CCDC141: variants seen among roughly 807,000 people sequenced by gnomAD.
The protein encoded by CCDC141 is coiled-coil domain containing 141.
Under a neutral mutation model 181.0 loss-of-function variants are expected in CCDC141, and 168 were observed. The ratio of observed to expected loss-of-function variants is 0.93; its 90% CI spans 0.82 to 1.05. The LOEUF is 1.05. Among genes scored for constraint, CCDC141 ranks in the 50% least tolerant of loss-of-function variants. The pLI, the probability that CCDC141 is intolerant of heterozygous loss-of-function variation, is 0.00. For synonymous variants in CCDC141, 666 were observed against 642.3 expected, an observed-to-expected ratio of 1.04 and a Z score of -0.56; for missense variants, 1,902 against 1,788.5, an observed-to-expected ratio of 1.06 and a Z score of -1.14.
chr2:178,994,759 C>T (rs755027980), intron 2 of CCDC141, among the ~76,000 whole-genome samples: 25 of 152,186 alleles, frequency 1.6e-4, no homozygotes, highest in Non-Finnish European at 2.8e-4. Flanking sequence ...ACCCAGTCAC[C>T]TCTTGAATGC....
chr2:178,997,880 C>A (rs766662707), intron 2 of CCDC141, among the ~76,000 whole-genome samples: 1 of 152,140 alleles, frequency 6.6e-6, no homozygotes, highest in Non-Finnish European at 1.5e-5. Flanking sequence ...GCCTGGTGCT[C>A]CAGCCTTTAA....
At chr2:179,006,549 A>C (rs1313845693) in intron 2 of CCDC141, among the ~76,000 whole-genome samples, 2 of 152,334 alleles carry the variant, frequency 1.3e-5, no homozygotes, top group African/African-American at 4.8e-5. Context: ...TAATTTATGC[A>C]ACAGATAATG....
Position 178,853,612 on chromosome 2 carries a change from AC to A in CCDC141, c.3072del (p.Trp1024CysfsTer10), listed in dbSNP as rs1291747448. ...FQEVIEECHF[W>X]YEDASATVVR... ...ACAACTGTGGCACTTGCATCTTCGT[AC>A]CAAAAATGACACTAAATTTAAATGG... On this transcript the variant is annotated frameshift_variant, in exon 20 of 24. Coordinates refer to ENST00000443758, the MANE Select transcript of CCDC141 (RefSeq NM_173648.4). LOFTEE classifies it high-confidence loss of function. 2.5e-6 allele frequency: 4 copies of A among 1,611,606 alleles called. No homozygotes were observed. The East Asian group carries it at 8.9e-5, about 36-fold the overall frequency.
At chr2:178,946,995 A>T (rs949427043) in intron 5 of CCDC141, among the ~76,000 whole-genome samples, 6 of 152,226 alleles carry the variant, frequency 3.9e-5, no homozygotes, top group Non-Finnish European at 4.4e-5. Flanking sequence ...GTAGATCATC[A>T]GGAGGGTGTT....
intron 8 of CCDC141, among the ~76,000 whole-genome samples, chr2:178,892,343 G>C (rs1255006459): frequency 6.6e-6 from 1 of 152,056 alleles, no homozygotes; most frequent in Non-Finnish European, 1.5e-5. Flanking sequence ...CTTTTCTCGG[G>C]AAGAGAAGTT....
In CCDC141 at chr2:179,050,077, G is replaced by C; in HGVS notation, c.-136C>G. On this transcript the variant is annotated 5_prime_UTR_variant, in exon 1 of 24. Transcript: ENST00000443758. ...CTCACACTGATTACTCTGCCAAAAG[G>C]AAAGAACAGGAGGTTAAAAATAGAC... The C allele has an allele frequency of 2.2e-6, 3 of 1,352,244 alleles. No individual in the cohort carries two copies. Among genetic ancestry groups the C allele is most frequent in the Non-Finnish European group, 3.0e-6 (3 of 1,013,122 alleles). The allele number at this position is 1,352,244 out of a possible 1,614,324, so 83.8% of individuals were successfully genotyped here. A position where few individuals can be genotyped will look rare whatever the true frequency, so the allele number is the denominator to read the frequency against.
intron 4 of CCDC141, among the ~76,000 whole-genome samples, chr2:178,962,239 C>T (rs374470518): frequency 6.6e-6 from 1 of 152,130 alleles, no homozygotes; most frequent in East Asian, 1.9e-4. Flanking sequence ...TGAAGAACTA[C>T]CAAGGGAGAA....
chr2:178,918,653 A>C (rs1035526328), intron 7 of CCDC141, 60 bp downstream of exon 7: 1 of 1,377,386 alleles, frequency 7.3e-7, no homozygotes, highest in Non-Finnish European at 9.9e-7. Flanking sequence ...CAGTTGAAGT[A>C]ATGGGTCTTT....
intron 22 of CCDC141, among the ~76,000 whole-genome samples, chr2:178,838,435 C>T (rs1236913273): frequency 6.6e-6 from 1 of 152,196 alleles, no homozygotes; most frequent in Non-Finnish European, 1.5e-5. Flanking sequence ...CCTCTGGCAA[C>T]CACCATTCTA....
chr2:179,003,001 T>G (rs781385614), intron 2 of CCDC141, among the ~76,000 whole-genome samples: 1 of 152,180 alleles, frequency 6.6e-6, no homozygotes, highest in Non-Finnish European at 1.5e-5. Context: ...CAATTACTCA[T>G]TTAACTTGAT....
At chr2:179,025,558 T>A (rs1410800848) in intron 2 of CCDC141, among the ~76,000 whole-genome samples, 1 of 152,224 alleles carries the variant, frequency 6.6e-6, no homozygotes, top group Non-Finnish European at 1.5e-5. Context: ...TGTAAGTCCA[T>A]TAAGCCTCTC....
intron 2 of CCDC141, among the ~76,000 whole-genome samples, chr2:179,022,536 G>T: frequency 6.6e-6 from 1 of 152,096 alleles, no homozygotes; most frequent in East Asian, 1.9e-4. Context: ...CCACAACCTT[G>T]TATTAAATTC....
chr2:178,981,888 C>T (rs1174726753), intron 2 of CCDC141, among the ~76,000 whole-genome samples: 1 of 150,644 alleles, frequency 6.6e-6, no homozygotes, highest in Non-Finnish European at 1.5e-5. Flanking sequence ...ATTGATAAAT[C>T]CCTAGTCAGG....
intron 12 of CCDC141, chr2:178,876,301 T>G (rs1280925289): frequency 6.6e-6 from 1 of 152,114 alleles, no homozygotes; most frequent in African/African-American, 2.4e-5. Context: ...GCCATAAAAT[T>G]AGAGAACAGA....
chr2:178,964,957 A>G (rs193142275), intron 4 of CCDC141, among the ~76,000 whole-genome samples: 10 of 152,350 alleles, frequency 6.6e-5, no homozygotes, highest in Non-Finnish European at 1.2e-4. Context: ...AATTATCATT[A>G]AAGTTCATAA....
At chr2:179,049,104 T>C (rs573766296) in intron 1 of CCDC141, among the ~76,000 whole-genome samples, 20 of 152,272 alleles carry the variant, frequency 1.3e-4, no homozygotes, top group African/African-American at 4.8e-4. Context: ...GGCATTTCCA[T>C]GGAGAATAAA....
the CCDC141 span, among the ~76,000 whole-genome samples, chr2:178,822,508 C>CT: frequency 6.6e-6 from 1 of 151,716 alleles, no homozygotes; most frequent in Non-Finnish European, 1.5e-5. Flanking sequence ...TACTCCAATT[C>CT]TTTAAAACAA....
In CCDC141 at chr2:178,867,528, T is replaced by C. The variant is rs555784442; in HGVS notation, c.2574+498A>G. ...TACTTTGAGCTTCCTCATTTGTTGC[T>C]AAATTTCGATCAGAAATATTAGATC... On this transcript the variant is annotated intron_variant, in intron 16 of 23. Coordinates refer to ENST00000443758, the MANE Select transcript of CCDC141 (RefSeq NM_173648.4). 6.6e-5 allele frequency among the ~76,000 whole-genome samples: 10 copies of C among 152,342 alleles called. No individual in the cohort carries two copies. In the East Asian group the frequency reaches 1.9e-3, roughly 29 times the overall value.
At position 178,872,320 on chromosome 2, in the gene CCDC141, A is replaced by G; in HGVS notation, c.1900-8T>C. ...TATCTCGTTCTCTTTTGCCTGTTAA[A>G]TTAATAATTCATATAATAGCTTTTC... On this transcript the variant is annotated splice_region_variant and splice_polypyrimidine_tract_variant and intron_variant, in intron 12 of 23. Coordinates refer to ENST00000443758, the MANE Select transcript of CCDC141 (RefSeq NM_173648.4). 1 of 1,600,536 alleles carries G rather than the reference A, an allele frequency of 6.2e-7. No individual in the cohort carries two copies. Among genetic ancestry groups the G allele is most frequent in the Non-Finnish European group, 8.5e-7 (1 of 1,173,546 alleles).
Sources: allele counts gnomAD v4.1 joint callset (sites outside exome capture counted in the v4.1 genomes callset), GRCh38; gene constraint gnomAD v4.1.1; transcripts MANE v1.5; gene names NCBI Gene and HGNC (gene_info 2026-07-23, HGNC 2026-07-21).